The following ZNF704 variants were observed in gnomAD, a reference collection of about 807,000 sequenced individuals.
The protein encoded by ZNF704 is glucocorticoid induced gene 1.
Under a neutral mutation model 44.7 loss-of-function variants are expected in ZNF704, and 10 were observed. That is an observed-to-expected ratio of 0.22 (90% CI 0.14 to 0.38). The LOEUF (loss-of-function observed/expected upper bound fraction) is 0.38. Ranked by LOEUF, ZNF704 falls within the 10% of genes least tolerant of loss-of-function variation. ZNF704 has a pLI of 1.00. For synonymous variants in ZNF704, 211 were observed against 207.6 expected (o/e 1.02, Z -0.14); for missense variants, 390 against 545.5 (o/e 0.71, Z 2.84).
intron 6 of ZNF704, 88 bp downstream of exon 6, chr8:80,664,727 C>T (rs1324172933): frequency 6.6e-7 from 1 of 1,525,246 alleles, no homozygotes; most frequent in Non-Finnish European, 9.0e-7. Flanking sequence ...GCTGTTTTTC[C>T]ACTGAGTTGT....
At chr8:80,649,599 T>C (rs1207809958) in intron 7 of ZNF704, among the ~76,000 whole-genome samples, 2 of 152,118 alleles carry the variant, frequency 1.3e-5, no homozygotes, top group Non-Finnish European at 2.9e-5. Flanking sequence ...AACTGCAAGG[T>C]GGCAGTGAGG....
In ZNF704 at chr8:80,666,364, T is replaced by C. The variant is rs1274776585; in HGVS notation, c.660-1282A>G. On this transcript the variant is annotated intron_variant, in intron 5 of 8. Coordinates refer to ENST00000327835, the MANE Select transcript of ZNF704 (RefSeq NM_001033723.3). ...CACATTTTCTTAATCCAGTCTATCATTGTTGGACATTTGGGTTTATTCCAA... is the reference window on the plus strand; with the variant it reads ...CACATTTTCTTAATCCAGTCTATCACTGTTGGACATTTGGGTTTATTCCAA... Among the ~76,000 whole-genome samples the C allele has an allele frequency of 2.0e-5, 3 of 151,992 alleles. 1 individual carries two copies. The highest frequency in any genetic ancestry group is 4.4e-5 in the Non-Finnish European group (3 of 68,018).
intron 1 of ZNF704, among the ~76,000 whole-genome samples, chr8:80,838,506 G>A (rs754418808): frequency 2.0e-5 from 3 of 151,922 alleles, no homozygotes; most frequent in Non-Finnish European, 2.9e-5. Context: ...CAGTGAGGGT[G>A]AGCAGGCCAG....
rs1422575253 is a variant in ZNF704 at position 80,638,123 on chromosome 8, C to T, written c.*3243G>A. On this transcript the variant is annotated 3_prime_UTR_variant, in exon 9 of 9. Transcript: ENST00000327835. ...CCTGTGTGTTTTCTCCAGGCTGTCA[C>T]ACTGCCTCCCACCCACCAATGCAGC... The T allele has an allele frequency of 1.3e-5, 2 of 152,414 alleles. No individual in the cohort carries two copies. The highest frequency in any genetic ancestry group is 4.8e-5 in the African/African-American group (2 of 41,456). The allele number at this position is 152,414 out of a possible 1,614,324, so 9.4% of individuals were successfully genotyped here. A position where few individuals can be genotyped will look rare whatever the true frequency, so the allele number is the denominator to read the frequency against.
At chr8:80,699,001 A>G (rs1818769275) in intron 2 of ZNF704, among the ~76,000 whole-genome samples, 1 of 152,238 alleles carries the variant, frequency 6.6e-6, no homozygotes, top group African/African-American at 2.4e-5. Context: ...ATCGGCAATT[A>G]AAGTGCTATA....
chr8:80,798,901 G>A (rs563854227), intron 2 of ZNF704, among the ~76,000 whole-genome samples: 4 of 152,308 alleles, frequency 2.6e-5, no homozygotes, highest in East Asian at 1.9e-4. Flanking sequence ...TTTAGGGGCC[G>A]TATCTGGTGA....
chr8:80,632,534 C>G lies in ZNF704; in HGVS notation c.*8832G>C, dbSNP rs1237912137. ...GAATTAAAAATTTAGGGAAAAGGAC[C>G]TAGCAAGATAATGTAATAGTTAATT... On this transcript the variant is annotated 3_prime_UTR_variant, in exon 9 of 9. Transcript: ENST00000327835. 6.6e-6 allele frequency: 1 copy of G among 152,234 alleles called. No homozygotes were observed. Among genetic ancestry groups the G allele is most frequent in the Admixed American group, 6.5e-5 (1 of 15,284 alleles). 9.4% of individuals were successfully genotyped at this position (152,234 alleles called of 1,614,324 possible).
intron 5 of ZNF704, among the ~76,000 whole-genome samples, chr8:80,666,262 A>T (rs1818193038): frequency 6.7e-6 from 1 of 149,586 alleles, no homozygotes. Flanking sequence ...ATGATTTCCA[A>T]TTTCATCCAT....
At chr8:80,817,124 T>C (rs1048696890) in intron 2 of ZNF704, among the ~76,000 whole-genome samples, 2 of 152,192 alleles carry the variant, frequency 1.3e-5, no homozygotes, top group African/African-American at 4.8e-5. Context: ...CCAGGTAGTC[T>C]GCACTGGTAA....
intron 2 of ZNF704, among the ~76,000 whole-genome samples, chr8:80,796,895 GGAAAGA>G (rs1807811589): frequency 7.1e-6 from 1 of 140,988 alleles, no homozygotes. Context: ...AAATGGAAAG[GGAAAGA>G]GAAAGGGAAA....
chr8:80,662,014 T>C (rs1205923252), intron 6 of ZNF704, among the ~76,000 whole-genome samples: 1 of 152,188 alleles, frequency 6.6e-6, no homozygotes, highest in Non-Finnish European at 1.5e-5. Flanking sequence ...CTGACTTGAC[T>C]GTTACACATC....
At chr8:80,833,741 T>C (rs1808509179) in intron 1 of ZNF704, among the ~76,000 whole-genome samples, 2 of 152,202 alleles carry the variant, frequency 1.3e-5, no homozygotes, top group African/African-American at 2.4e-5. Flanking sequence ...GTAACCACAA[T>C]AGGTCTGTTG....
intron 2 of ZNF704, among the ~76,000 whole-genome samples, chr8:80,788,278 A>G (rs1586027864): frequency 6.6e-6 from 1 of 152,346 alleles, no homozygotes; most frequent in African/African-American, 2.4e-5. Flanking sequence ...TCAATCTTTT[A>G]CTACTAGAAA....
intron 2 of ZNF704, among the ~76,000 whole-genome samples, chr8:80,766,104 T>C (rs1290107677): frequency 6.6e-6 from 1 of 152,198 alleles, no homozygotes; most frequent in Non-Finnish European, 1.5e-5. Context: ...TGCTACTTCT[T>C]CTATTAATAA....
At chr8:80,680,421 A>G (rs1585947167) in intron 4 of ZNF704, among the ~76,000 whole-genome samples, 1 of 148,520 alleles carries the variant, frequency 6.7e-6, no homozygotes, top group Non-Finnish European at 1.5e-5. Flanking sequence ...CAGGGCAGGG[A>G]CAGGGGCTTA....
At chr8:80,762,263 G>C (rs977839151) in intron 2 of ZNF704, among the ~76,000 whole-genome samples, 35 of 152,170 alleles carry the variant, frequency 2.3e-4, no homozygotes, top group African/African-American at 8.0e-4. Flanking sequence ...AGTTTGGCAG[G>C]TGTATTACTT....
chr8:80,690,901 T>C (rs568652185), intron 3 of ZNF704, among the ~76,000 whole-genome samples: 43 of 152,148 alleles, frequency 2.8e-4, no homozygotes, highest in African/African-American at 1.0e-3. Context: ...CTCAGCTACT[T>C]GGGAGACTGA....
At chr8:80,670,445 C>T (rs551891184) in intron 5 of ZNF704, 58 bp downstream of exon 5, 36 of 1,251,256 alleles carry the variant, frequency 2.9e-5, no homozygotes, top group Admixed American at 1.2e-4. Flanking sequence ...TTTCTGAGTG[C>T]GGGTGGCCCT....
intron 2 of ZNF704, among the ~76,000 whole-genome samples, chr8:80,694,068 A>T (rs537547989): frequency 6.6e-6 from 1 of 152,164 alleles, no homozygotes; most frequent in African/African-American, 2.4e-5. Context: ...GGAGCGAGGA[A>T]GGCTGTCAGG....
Sources: gnomAD v4.1 joint callset for allele counts (sites outside exome capture counted in the v4.1 genomes callset) on GRCh38, gnomAD v4.1.1 for gene constraint, MANE v1.5 for transcripts, NCBI Gene and HGNC (gene_info 2026-07-23, HGNC 2026-07-21) for gene names.